The following DET1 variants were observed in gnomAD, a reference collection of about 807,000 sequenced individuals.
DET1 encodes DET1 homolog.
Under a neutral mutation model 43.7 loss-of-function variants are expected in DET1, and 22 were observed. The observed-to-expected ratio is 0.50, with a 90% CI of 0.36 to 0.72. DET1 has a LOEUF of 0.72. Among genes scored for constraint, DET1 ranks in the 30% least tolerant of loss-of-function variants. The pLI is 0.00. For missense variants in DET1, 713 were observed against 713.3 expected (o/e 1.00, Z 0.00); for synonymous variants, 315 against 266.2 (o/e 1.18, Z -1.79).
At chr15:88,506,997 T>G (rs1398839367) in intron 7 of DET1, among the ~76,000 whole-genome samples, 1 of 152,232 alleles carries the variant, frequency 6.6e-6, no homozygotes, top group Non-Finnish European at 1.5e-5. Flanking sequence ...GACACTAGAA[T>G]TGACTAAGAA....
At chr15:88,523,648 C>G (rs1395104744) in intron 3 of DET1, among the ~76,000 whole-genome samples, 1 of 152,200 alleles carries the variant, frequency 6.6e-6, no homozygotes, top group Admixed American at 6.5e-5. Context: ...GCTGTGTTGG[C>G]CGGGCTGGTC....
chr15:88,544,126 G>A (rs193147186), intron 1 of DET1, among the ~76,000 whole-genome samples: 2 of 152,216 alleles, frequency 1.3e-5, no homozygotes, highest in Non-Finnish European at 2.9e-5. Context: ...CTGCCGCAGG[G>A]TGATAATACA....
chr15:88,543,991 A>C (rs2057179631), intron 1 of DET1, among the ~76,000 whole-genome samples: 1 of 152,220 alleles, frequency 6.6e-6, no homozygotes, highest in South Asian at 2.1e-4. Flanking sequence ...CTAGGTACAA[A>C]TAGCTTCTAG....
At chr15:88,519,597 A>G (rs528392147) in intron 3 of DET1, among the ~76,000 whole-genome samples, 14 of 152,128 alleles carry the variant, frequency 9.2e-5, no homozygotes, top group East Asian at 7.7e-4. Context: ...ACTTCTTCCC[A>G]TCCTACACTC....
Position 88,541,978 on chromosome 15 carries a change from C to G in DET1, c.-11+4562G>C, listed in dbSNP as rs368266704. Among the ~76,000 whole-genome samples, 18 of 152,280 alleles carry G rather than the reference C, an allele frequency of 1.2e-4. No individual in the cohort carries two copies. The East Asian group carries it at 2.1e-3, about 18-fold the overall frequency. On this transcript the variant is annotated intron_variant, in intron 1 of 4. Coordinates refer to ENST00000268148, the MANE Select transcript of DET1 (RefSeq NM_001144074.3). ...ACTACCACTGAGAGAGGCACAAGTT[C>G]CTCCAGGTGATGAGCGCTCAGCCCC...
chr15:88,526,828 T>C (rs768810028), intron 3 of DET1, among the ~76,000 whole-genome samples: 11 of 152,218 alleles, frequency 7.2e-5, no homozygotes, highest in Non-Finnish European at 1.5e-4. Flanking sequence ...CACTTGGCTA[T>C]GTAGACCTAG....
At chr15:88,518,696 T>A (rs2056412795) in intron 3 of DET1, among the ~76,000 whole-genome samples, 3 of 152,222 alleles carry the variant, frequency 2.0e-5, no homozygotes, top group Admixed American at 2.0e-4. Flanking sequence ...CAAGGGGATA[T>A]CAATTTTTTT....
intron 3 of DET1, among the ~76,000 whole-genome samples, chr15:88,518,086 G>A (rs912552989): frequency 7.3e-5 from 11 of 149,766 alleles, no homozygotes; most frequent in Non-Finnish European, 1.3e-4. Context: ...CGACAGGTGC[G>A]TGCCACCACA....
At chr15:88,510,060 G>C (rs964897292), downstream of DET1, among the ~76,000 whole-genome samples, 3 of 152,328 alleles carry the variant, frequency 2.0e-5, no homozygotes, top group African/African-American at 7.2e-5. Context: ...TTTAGCTATA[G>C]CAGTTTATCC....
In DET1 at chr15:88,530,656, A is replaced by C. The variant is rs200089903; in HGVS notation, c.1050T>G (p.Asp350Glu). The C allele has an allele frequency of 1.1e-5, 18 of 1,612,828 alleles. No individual in the cohort carries two copies. Among genetic ancestry groups the C allele is most frequent in the Non-Finnish European group, 1.5e-5 (18 of 1,179,244 alleles). ...NHLFIKYTSEDVVTLRVTDPS... is the reference protein window; with the variant it reads ...NHLFIKYTSEEVVTLRVTDPS... ...GATCTGTGACTCGCAGTGTTACTAC[A>C]TCCTCACTAGTGTACTTGATAAACA... The change falls in exon 2 of 5, where the codon GAT (aspartate) becomes GAG (glutamate). Residue 350 changes from aspartate to glutamate, a missense_variant. By Grantham distance (45) the Asp-to-Glu change is conservative. Transcript: ENST00000268148.
intron 3 of DET1, among the ~76,000 whole-genome samples, chr15:88,523,002 C>T (rs1045592332): frequency 1.3e-5 from 2 of 151,832 alleles, no homozygotes; most frequent in African/African-American, 4.8e-5. Context: ...CTGCCTCAGC[C>T]CCTCCAAGTA....
At chr15:88,511,682 A>C, downstream of DET1, 4 of 894,306 alleles carry the variant, frequency 4.5e-6, no homozygotes, top group Non-Finnish European at 5.4e-6. Context: ...TTTCCACTTG[A>C]CTCATAGCAG....
At chr15:88,529,647 C>T (rs1287341393) in intron 2 of DET1, among the ~76,000 whole-genome samples, 1 of 152,234 alleles carries the variant, frequency 6.6e-6, no homozygotes, top group African/African-American at 2.4e-5. Context: ...GAATCAGCTA[C>T]AGGTCAATAA....
rs1390687653 is a variant in DET1 at position 88,531,384 on chromosome 15, C to T, written c.322G>A (p.Gly108Ser). ...ATATTCACTGACCGCTGGTCATTGCCATTGGACAGGATTTCTCCTTCGTAT... is the reference window on the plus strand; with the variant it reads ...ATATTCACTGACCGCTGGTCATTGCTATTGGACAGGATTTCTCCTTCGTAT... Reference protein sequence around the residue: ...QGYEGEILSNGNDQRSVNIRG... With the variant: ...QGYEGEILSNSNDQRSVNIRG... Residue 108 changes from glycine (G) to serine (S), a missense_variant, in exon 2 of 5, where the codon GGC (glycine) becomes AGC (serine). By Grantham distance (56) the Gly-to-Ser change is moderately conservative. Transcript: ENST00000268148. The surrounding 1 kb of genome is among the most constrained non-coding windows in gnomAD (Gnocchi z 6.2). The T allele has an allele frequency of 6.2e-7, 1 of 1,614,050 alleles. No individual in the cohort carries two copies. The highest frequency in any genetic ancestry group is 1.7e-5 in the Admixed American group (1 of 60,032).
chr15:88,546,409 C>T (rs2057257138), intron 1 of DET1, 131 bp downstream of exon 1: 1 of 152,300 alleles, frequency 6.6e-6, no homozygotes, highest in African/African-American at 2.4e-5. Flanking sequence ...GGGGCGGGGC[C>T]TCAAAGGGAA....
At chr15:88,530,550 A>G (rs2056782447) in intron 2 of DET1, 73 bp downstream of exon 2, 13 of 1,521,428 alleles carry the variant, frequency 8.5e-6, no homozygotes, top group Non-Finnish European at 1.1e-5. Context: ...GGGGTGGGCT[A>G]TAAACAAACA....
chr15:88,514,766 T>G, intron 4 of DET1, among the ~76,000 whole-genome samples: 1 of 152,230 alleles, frequency 6.6e-6, no homozygotes, highest in East Asian at 1.9e-4. Context: ...ATACAGATAT[T>G]GCAGGAATGG....
At chr15:88,542,415 G>C (rs2057133528) in intron 1 of DET1, among the ~76,000 whole-genome samples, 1 of 152,138 alleles carries the variant, frequency 6.6e-6, no homozygotes, top group Non-Finnish European at 1.5e-5. Context: ...AAGTTGTCCA[G>C]GGGCCTGATG....
chr15:88,543,343 T>C (rs1256421112), intron 1 of DET1, among the ~76,000 whole-genome samples: 1 of 152,236 alleles, frequency 6.6e-6, no homozygotes. Flanking sequence ...CAGCTCCTCA[T>C]GCTGTAGAGA....
Sources: allele counts gnomAD v4.1 joint callset (sites outside exome capture counted in the v4.1 genomes callset), GRCh38; gene constraint gnomAD v4.1.1; non-coding constraint Gnocchi (gnomAD v3.1); transcripts MANE v1.5; gene names NCBI Gene and HGNC (gene_info 2026-07-23, HGNC 2026-07-21).